The following NMB variants were observed in gnomAD, a reference collection of about 807,000 sequenced individuals.
NMB encodes the protein neuromedin B, also known as neuromedin-B.
NMB carries 12 observed loss-of-function variants against 11.7 expected under a neutral mutation model. That is an observed-to-expected ratio of 1.03 (90% confidence interval 0.66 to 1.66). The LOEUF is 1.66. Among genes scored for constraint, NMB ranks in the 40% most tolerant of loss-of-function variants. The probability of loss-of-function intolerance (pLI) is 0.00; values close to 1 mark genes in which losing one functional copy is unlikely to be tolerated. For missense variants in NMB, 174 were observed against 157.9 expected (o/e 1.10, Z -0.55); for synonymous variants, 76 against 72.6 (o/e 1.05, Z -0.24).
chr15:84,656,418 A>G (rs1380529719), intron 2 of NMB, among the ~76,000 whole-genome samples: 1 of 151,644 alleles, frequency 6.6e-6, no homozygotes, highest in Non-Finnish European at 1.5e-5. Flanking sequence ...CCCATAGATC[A>G]GTGACTGACA....
chr15:84,657,365 C>A lies in NMB; in HGVS notation c.158-17G>T. On this transcript the variant is annotated splice_polypyrimidine_tract_variant and intron_variant, in intron 1 of 2. Coordinates refer to ENST00000360476, the MANE Select transcript of NMB (RefSeq NM_021077.4). ...TGAAGTGACCTGGAAAGGAGGTGTC[C>A]AGGCACAAGGAAGTCAAGCAGCCAG... 6.8e-7 allele frequency: 1 copy of A among 1,471,146 alleles called. No homozygotes were observed. Among genetic ancestry groups the A allele is most frequent in the South Asian group, 1.4e-5 (1 of 72,832 alleles). 91.1% of individuals were successfully genotyped at this position (1,471,146 alleles called of 1,614,324 possible).
chr15:84,657,091 G>A (rs1426857757), intron 2 of NMB, 85 bp downstream of exon 2: 12 of 1,281,418 alleles, frequency 9.4e-6, no homozygotes, highest in Non-Finnish European at 1.3e-5. Context: ...CCCTAATACA[G>A]TACTGGGTGG....
At chr15:84,657,769 G>C (rs2141853798) in intron 1 of NMB, among the ~76,000 whole-genome samples, 1 of 152,318 alleles carries the variant, frequency 6.6e-6, no homozygotes, top group Non-Finnish European at 1.5e-5. Flanking sequence ...GCTGGCAGTG[G>C]GATTTAGGAT....
intron 2 of NMB, among the ~76,000 whole-genome samples, chr15:84,656,283 A>C (rs1406775448): frequency 1.3e-5 from 2 of 152,102 alleles, no homozygotes; most frequent in African/African-American, 4.8e-5. Context: ...CCTTCTGCAC[A>C]CAGCAGCAGG....
rs948442322 is a variant in NMB at position 84,655,178 on chromosome 15, A to G, written c.*196T>C. The G allele has an allele frequency of 2.8e-6, 4 of 1,413,638 alleles. No individual in the cohort carries two copies. The highest frequency in any genetic ancestry group is 3.8e-6 in the Non-Finnish European group (4 of 1,041,298). 87.6% of individuals were successfully genotyped at this position (1,413,638 alleles called of 1,614,324 possible). On this transcript the variant is annotated 3_prime_UTR_variant, in exon 3 of 3. Transcript: ENST00000360476. ...TTCACCAATTCAACAGGGAAGCAGGAAATACAGCAGGAACATAATCTGTGT... is the reference window on the plus strand; with the variant it reads ...TTCACCAATTCAACAGGGAAGCAGGGAATACAGCAGGAACATAATCTGTGT...
At position 84,655,143 on chromosome 15, in the gene NMB, C is replaced by T. The variant is rs1288293511; in HGVS notation, c.*231G>A. 8.6e-7 allele frequency: 1 copy of T among 1,167,700 alleles called. No individual in the cohort carries two copies. Among genetic ancestry groups the T allele is most frequent in the Admixed American group, 2.3e-5 (1 of 43,078 alleles). The allele number at this position is 1,167,700 out of a possible 1,614,324, so 72.3% of individuals were successfully genotyped here. On this transcript the variant is annotated 3_prime_UTR_variant, in exon 3 of 3. Transcript: ENST00000360476. ...AGGACCAGGCATTGTATGTAAAGAG[C>T]AAGGTTTTATTCACCAATTCAACAG...
At chr15:84,657,895 G>C in intron 1 of NMB, 101 bp downstream of exon 1, 1 of 1,355,224 alleles carries the variant, frequency 7.4e-7, no homozygotes. Flanking sequence ...CACCTGCTCC[G>C]ACACTAGTGT....
chr15:84,657,349 C>T lies in NMB; in HGVS notation c.158-1G>A, dbSNP rs750109786. 21 of 1,502,250 alleles carry T rather than the reference C, an allele frequency of 1.4e-5. 1 individual carries two copies. In the South Asian group the frequency reaches 2.3e-4, roughly 17 times the overall value. The allele number at this position is 1,502,250 out of a possible 1,614,324, so 93.1% of individuals were successfully genotyped here. On this transcript the variant is annotated splice_acceptor_variant, in intron 1 of 2. Coordinates refer to ENST00000360476, the MANE Select transcript of NMB (RefSeq NM_021077.4). LOFTEE classifies it high-confidence loss of function. ...AGACTCTTCTTGCCCATGAAGTGAC[C>T]TGGAAAGGAGGTGTCCAGGCACAAG...
Position 84,655,274 on chromosome 15 carries a change from G to A in NMB, c.*100C>T, listed in dbSNP as rs1463440116. 1 of 1,603,082 alleles carries A rather than the reference G, an allele frequency of 6.2e-7. No homozygotes were observed. Among genetic ancestry groups the A allele is most frequent in the East Asian group, 2.2e-5 (1 of 44,718 alleles). On this transcript the variant is annotated 3_prime_UTR_variant, in exon 3 of 3. Coordinates refer to ENST00000360476, the MANE Select transcript of NMB (RefSeq NM_021077.4). The stretch of plus-strand genomic sequence containing the variant: ...TGGAGTAACAGAGATTTGAGCTCAG[G>A]ATTTACATCCAGATGGGGCCATCAA...
rs1415665835 is a variant in NMB at position 84,658,069 on chromosome 15, G to C, written c.84C>G (p.Ser28Arg). 6.3e-7 allele frequency: 1 copy of C among 1,586,154 alleles called. No individual in the cohort carries two copies. Among genetic ancestry groups the C allele is most frequent in the Non-Finnish European group, 8.5e-7 (1 of 1,170,046 alleles). The change falls in exon 1 of 3, where the codon AGC becomes AGG. Residue 28 changes from serine (S) to arginine (R), a missense_variant. By Grantham distance (110) the Ser-to-Arg change is moderately radical. Transcript: ENST00000360476. ...GGCTGCGGGGCTCCGGGAGATCCCA[G>C]CTGAGCGGGGCGACGCCGGCAGCGA... ...ALLAAGVAPLSWDLPEPRSRA... is the reference protein window; with the variant it reads ...ALLAAGVAPLRWDLPEPRSRA...
chr15:84,655,216 T>A lies in NMB; in HGVS notation c.*158A>T. 6.5e-7 allele frequency: 1 copy of A among 1,533,348 alleles called. No individual in the cohort carries two copies. The highest frequency in any genetic ancestry group is 8.8e-7 in the Non-Finnish European group (1 of 1,136,602). 95.0% of individuals were successfully genotyped at this position (1,533,348 alleles called of 1,614,324 possible). Reference sequence around the variant, plus strand: ...ACATAATCTGTGTCTGCATCAGCGATATTTCTGGTGACCCAGCCAGAAATC... The same window carrying A: ...ACATAATCTGTGTCTGCATCAGCGAAATTTCTGGTGACCCAGCCAGAAATC... On this transcript the variant is annotated 3_prime_UTR_variant, in exon 3 of 3. Coordinates refer to ENST00000360476, the MANE Select transcript of NMB (RefSeq NM_021077.4).
At chr15:84,657,098 G>T in intron 2 of NMB, 78 bp downstream of exon 2, 2 of 1,349,818 alleles carry the variant, frequency 1.5e-6, no homozygotes, top group Non-Finnish European at 2.0e-6. Flanking sequence ...ACAGTACTGG[G>T]TGGTAATTCC....
chr15:84,655,674 G>GT (rs1055858057), intron 2 of NMB, among the ~76,000 whole-genome samples: 3 of 152,314 alleles, frequency 2.0e-5, no homozygotes, highest in African/African-American at 7.2e-5. Flanking sequence ...TGCTGGGCTA[G>GT]TGTCAGCGTC....
At chr15:84,657,477 C>T (rs548940171) in intron 1 of NMB, 129 bp from the exon 2 acceptor site, 2 of 873,432 alleles carry the variant, frequency 2.3e-6, no homozygotes, top group Admixed American at 3.8e-5. Context: ...CCTCTTGGTG[C>T]TTCCACCTCA....
chr15:84,657,434 C>T, intron 1 of NMB, 86 bp from the exon 2 acceptor site: 4 of 1,266,168 alleles, frequency 3.2e-6, no homozygotes, highest in South Asian at 3.6e-5. Flanking sequence ...CCCACGTTTC[C>T]GTTCTTGTAG....
chr15:84,657,396 T>C (rs1260274176), intron 1 of NMB, 48 bp from the exon 2 acceptor site: 2 of 1,413,892 alleles, frequency 1.4e-6, no homozygotes, highest in Non-Finnish European at 9.3e-7. Context: ...GCCAGGATCC[T>C]ACCTCAGAGG....
At chr15:84,656,160 A>G (rs1182701231) in intron 2 of NMB, among the ~76,000 whole-genome samples, 1 of 152,152 alleles carries the variant, frequency 6.6e-6, no homozygotes, top group Non-Finnish European at 1.5e-5. Context: ...GGTGAAGAAT[A>G]TTGAGGCTTT....
At chr15:84,656,706 C>T (rs1468758644) in intron 2 of NMB, among the ~76,000 whole-genome samples, 2 of 151,910 alleles carry the variant, frequency 1.3e-5, no homozygotes, top group Non-Finnish European at 2.9e-5. Context: ...GAACAAGGTC[C>T]AGACTCTGTC....
rs771706242 is a variant in NMB, at chr15:84,655,415, G to A, written c.331-6C>T. ...TGTACCAGCAGCCTCCTGTACTGAAGAGAAACATACAGAAGAATTGAGCCA... is the reference window on the plus strand; with the variant it reads ...TGTACCAGCAGCCTCCTGTACTGAAAAGAAACATACAGAAGAATTGAGCCA... On this transcript the variant is annotated splice_region_variant and splice_polypyrimidine_tract_variant and intron_variant, in intron 2 of 2. Transcript: ENST00000360476. The A allele has an allele frequency of 4.3e-6, 7 of 1,613,682 alleles. No homozygotes were observed. The highest frequency in any genetic ancestry group is 1.7e-5 in the Admixed American group (1 of 59,994).
Sources: allele counts gnomAD v4.1 joint callset (sites outside exome capture counted in the v4.1 genomes callset), GRCh38; gene constraint gnomAD v4.1.1; transcripts MANE v1.5; gene names NCBI Gene and HGNC (gene_info 2026-07-23, HGNC 2026-07-21).